Variants in ELL observed in about 807,000 individuals in gnomAD.
ELL encodes the protein RNA polymerase II elongation factor ELL.
A neutral mutation model predicts 64.0 loss-of-function variants in ELL; 18 were observed. That is an observed-to-expected ratio of 0.28 (90% CI 0.19 to 0.42). The LOEUF (loss-of-function observed/expected upper bound fraction) is 0.42. Among genes scored for constraint, ELL ranks in the 10% least tolerant of loss-of-function variants. The pLI, the probability that ELL is intolerant of heterozygous loss-of-function variation, is 1.00. For missense variants in ELL, 797 were observed against 870.4 expected, an observed-to-expected ratio of 0.92 and a Z score of 1.06; for synonymous variants, 399 against 376.2, an observed-to-expected ratio of 1.06 and a Z score of -0.70.
intron 5 of ELL, among the ~76,000 whole-genome samples, chr19:18,458,951 T>G (rs1184196598): frequency 6.6e-6 from 1 of 151,298 alleles, no homozygotes; most frequent in Non-Finnish European, 1.5e-5. Context: ...TGCAGTGGTG[T>G]GATCAAGGTT....
In ELL at chr19:18,465,835, G is replaced by A. The variant is rs1297528995; in HGVS notation, c.267C>T (p.Pro89=). ...FYLSNIGRDN[P]QGSFDCIQQY... ...GCTGGATGCAGTCGAAGCTGCCCTG[G>A]GGGTTGTCGCGGCCGATGTTGGAGA... Residue 89 remains proline, a synonymous_variant, in exon 3 of 12, where the codon CCC becomes CCT. Transcript: ENST00000262809. 1 of 1,357,286 alleles carries A rather than the reference G, an allele frequency of 7.4e-7. No homozygotes were observed. The highest frequency in any genetic ancestry group is 1.5e-5 in the African/African-American group (1 of 67,086). The allele number at this position is 1,357,286 out of a possible 1,614,324, so 84.1% of individuals were successfully genotyped here.
At position 18,486,203 on chromosome 19, in the gene ELL, T is replaced by A. The variant is rs112512188; in HGVS notation, c.136-13321A>T. Among the ~76,000 whole-genome samples the A allele has an allele frequency of 8.9e-3, 1,355 of 152,090 alleles. 12 individuals are homozygous for A. Among genetic ancestry groups the A allele is most frequent in the Non-Finnish European group, 0.011 (746 of 67,952 alleles). On this transcript the variant is annotated intron_variant, in intron 1 of 11. Transcript: ENST00000262809. ...GGGAGCCCTGCAACCTGGGAAGGAATCTGGGGAGGGGCTTCTGTGTGAAGC... is the reference window on the plus strand; with the variant it reads ...GGGAGCCCTGCAACCTGGGAAGGAAACTGGGGAGGGGCTTCTGTGTGAAGC...
intron 8 of ELL, among the ~76,000 whole-genome samples, chr19:18,450,125 C>T (rs776471526): frequency 5.3e-5 from 8 of 152,258 alleles, no homozygotes; most frequent in Non-Finnish European, 8.8e-5. Flanking sequence ...GCCCTGGCTC[C>T]TGGGGCTTCC....
intron 1 of ELL, among the ~76,000 whole-genome samples, chr19:18,487,026 G>C (rs1039503805): frequency 1.3e-5 from 2 of 152,286 alleles, no homozygotes; most frequent in East Asian, 3.9e-4. Context: ...TGACACCTCC[G>C]ATGCTTCCAC....
chr19:18,478,278 T>C (rs8100767), intron 1 of ELL, among the ~76,000 whole-genome samples: 70,950 of 152,138 alleles, frequency 0.47, 19,192 homozygotes, highest in African/African-American at 0.76. Context: ...AGGAACAGAC[T>C]GTAGCACAGG....
intron 1 of ELL, among the ~76,000 whole-genome samples, chr19:18,482,306 T>A (rs1021648214): frequency 2.2e-5 from 3 of 136,946 alleles, no homozygotes; most frequent in African/African-American, 3.1e-5. Context: ...GTCTTTTCAT[T>A]CCTTTTTTTT....
Position 18,473,115 on chromosome 19 carries a change from G to A in ELL, c.136-233C>T, listed in dbSNP as rs1176271707. The A allele has an allele frequency of 4.4e-6, 3 of 677,728 alleles. No individual in the cohort carries two copies. The Admixed American group carries it at 6.4e-5, about 15-fold the overall frequency. The allele number at this position is 677,728 out of a possible 1,614,324, so 42.0% of individuals were successfully genotyped here. On this transcript the variant is annotated intron_variant, in intron 1 of 11. Transcript: ENST00000262809. ...ACAGAGGGCTGGGGACACATGACAG[G>A]TAAGAATGGGGCCTCCAGACACAGG...
chr19:18,488,337 G>C (rs969425544), intron 1 of ELL, among the ~76,000 whole-genome samples: 1 of 152,356 alleles, frequency 6.6e-6, no homozygotes, highest in Non-Finnish European at 1.5e-5. Flanking sequence ...ATAGAACCCA[G>C]AGCACAGCTC....
chr19:18,503,563 C>T (rs1249506709), intron 1 of ELL, among the ~76,000 whole-genome samples: 1 of 152,180 alleles, frequency 6.6e-6, no homozygotes, highest in Non-Finnish European at 1.5e-5. Flanking sequence ...AGTAACAGTT[C>T]ACCAAGTGAG....
intron 2 of ELL, chr19:18,472,321 T>A (rs1466398296): frequency 6.5e-6 from 1 of 152,976 alleles, no homozygotes; most frequent in African/African-American, 2.4e-5. Context: ...GGGAGGATGG[T>A]TTCCGGCTGA....
chr19:18,451,125 T>C (rs547295523), intron 7 of ELL, 150 bp from the exon 8 acceptor site: 4 of 1,173,548 alleles, frequency 3.4e-6, no homozygotes, highest in Non-Finnish European at 3.4e-6. Flanking sequence ...AGGTCCCAGG[T>C]GCCGCTCAGG....
chr19:18,518,609 G>A (rs948480624), intron 1 of ELL, among the ~76,000 whole-genome samples: 3 of 151,710 alleles, frequency 2.0e-5, no homozygotes, highest in African/African-American at 7.3e-5. Flanking sequence ...CTGACCACAT[G>A]GTAAAACCCC....
intron 1 of ELL, among the ~76,000 whole-genome samples, chr19:18,511,262 G>T (rs1465970574): frequency 7.2e-6 from 1 of 139,036 alleles, no homozygotes; most frequent in South Asian, 2.3e-4. Flanking sequence ...GCGAAACTCC[G>T]TCTCAAAAAA....
chr19:18,465,597 TGGGG>T, intron 3 of ELL, 22 bp from the exon 4 acceptor site: 1 of 1,567,328 alleles, frequency 6.4e-7, no homozygotes, highest in Non-Finnish European at 8.7e-7. Flanking sequence ...GGCCAGGAGC[TGGGG>T]TCAGCAGCTG....
intron 1 of ELL, among the ~76,000 whole-genome samples, chr19:18,520,827 A>G (rs1339218398): frequency 6.8e-6 from 1 of 147,338 alleles, no homozygotes; most frequent in Non-Finnish European, 1.5e-5. Context: ...TGAAGCCCCC[A>G]ATTTCCAGAA....
intron 1 of ELL, among the ~76,000 whole-genome samples, chr19:18,486,847 C>T (rs1975428957): frequency 1.3e-5 from 2 of 152,198 alleles, no homozygotes; most frequent in Non-Finnish European, 2.9e-5. Flanking sequence ...GTCCCCTTCC[C>T]AGTTTGAACC....
intron 6 of ELL, among the ~76,000 whole-genome samples, chr19:18,455,897 G>C (rs1347477516): frequency 6.6e-6 from 1 of 152,058 alleles, no homozygotes; most frequent in Non-Finnish European, 1.5e-5. Context: ...TCCGGAGTTT[G>C]AGACCAGCCT....
chr19:18,504,285 G>C (rs1015840585), intron 1 of ELL, among the ~76,000 whole-genome samples: 16 of 152,234 alleles, frequency 1.1e-4, no homozygotes. Context: ...CTGACGCACA[G>C]AGGCCACTCC....
chr19:18,482,308 CTTTTTTTTTTTTTTTTTTTTT>C (rs530594631), intron 1 of ELL, among the ~76,000 whole-genome samples: 2 of 77,578 alleles, frequency 2.6e-5, no homozygotes, highest in African/African-American at 1.3e-4. Context: ...CTTTTCATTC[CTTTTTTTTTTTTTTTTTTTTT>C]TTTTTTTAAA....
Sources: gnomAD v4.1 joint callset for allele counts (sites outside exome capture counted in the v4.1 genomes callset) on GRCh38, gnomAD v4.1.1 for gene constraint, MANE v1.5 for transcripts, NCBI Gene and HGNC (gene_info 2026-07-23, HGNC 2026-07-21) for gene names.